Variants in FBXL2 observed in about 807,000 individuals in gnomAD.
FBXL2 encodes the protein F-box/LRR-repeat protein 2.
FBXL2 carries 38 observed loss-of-function variants against 69.2 expected under a neutral mutation model. That is an observed-to-expected ratio of 0.55 (90% CI 0.42 to 0.72). The LOEUF is 0.72. FBXL2 is among the 30% of genes least tolerant of loss of function. The pLI, the probability that FBXL2 is intolerant of heterozygous loss-of-function variation, is 0.00. For synonymous variants in FBXL2, 192 were observed against 201.3 expected (o/e 0.95, Z 0.39); for missense variants, 354 against 520.3 (o/e 0.68, Z 3.11).
Position 33,277,463 on chromosome 3 carries a change from G to A in FBXL2, c.-50G>A, listed in dbSNP as rs13076963. 2.4e-6 allele frequency: 3 copies of A among 1,267,892 alleles called. No individual in the cohort carries two copies. Among genetic ancestry groups the A allele is most frequent in the Non-Finnish European group, 2.0e-6 (2 of 1,000,084 alleles). 78.5% of individuals were successfully genotyped at this position (1,267,892 alleles called of 1,614,324 possible). A position where few individuals can be genotyped will look rare whatever the true frequency, so the allele number is the denominator to read the frequency against. ...TGGCGTCACCAGGACAACGGGCGTC[G>A]CCGGCGCCGTGTGACTTCGGGCTGT... is the stretch of plus-strand genomic sequence containing the variant. On this transcript the variant is annotated 5_prime_UTR_variant, in exon 1 of 15. Coordinates refer to ENST00000484457, the MANE Select transcript of FBXL2 (RefSeq NM_012157.5).
intron 2 of FBXL2, among the ~76,000 whole-genome samples, chr3:33,346,616 T>G (rs2040459248): frequency 6.6e-6 from 1 of 150,678 alleles, no homozygotes; most frequent in African/African-American, 2.5e-5. Flanking sequence ...GAGTAGAAAT[T>G]AAGGAAATTA....
intron 1 of FBXL2, among the ~76,000 whole-genome samples, chr3:33,291,002 C>T (rs149244900): frequency 2.0e-5 from 3 of 151,910 alleles, no homozygotes; most frequent in East Asian, 1.9e-4. Context: ...TGAATATAGC[C>T]GACTATAGCC....
intron 1 of FBXL2, chr3:33,278,101 G>T (rs2033520844): frequency 6.6e-6 from 1 of 151,666 alleles, no homozygotes; most frequent in African/African-American, 2.4e-5. Flanking sequence ...TCTGAGTGCC[G>T]CACCCTCACT....
At chr3:33,418,786 G>A in the FBXL2 span, among the ~76,000 whole-genome samples, 29 of 150,728 alleles carry the variant, frequency 1.9e-4, no homozygotes, top group African/African-American at 7.1e-4. Flanking sequence ...TTGAACCTGG[G>A]AGGCGGAGGT....
At chr3:33,298,696 C>CAAAAA (rs1158732530) in intron 2 of FBXL2, among the ~76,000 whole-genome samples, 5 of 47,242 alleles carry the variant, frequency 1.1e-4, no homozygotes, top group Admixed American at 4.0e-4. Context: ...AACTCTGTCT[C>CAAAAA]AAAAAAAAAA....
At chr3:33,371,330 ATTTTT>A (rs749436186) in intron 5 of FBXL2, among the ~76,000 whole-genome samples, 1 of 134,140 alleles carries the variant, frequency 7.5e-6, no homozygotes, top group African/African-American at 2.8e-5. Context: ...ATACCAGCTA[ATTTTT>A]TTTTTTTTTT....
At chr3:33,349,074 A>T (rs2040648955) in intron 2 of FBXL2, among the ~76,000 whole-genome samples, 1 of 152,112 alleles carries the variant, frequency 6.6e-6, no homozygotes, top group Non-Finnish European at 1.5e-5. Context: ...GGATAATGTG[A>T]CTTCTTCCTT....
chr3:33,302,106 G>A (rs1429281120), intron 2 of FBXL2, among the ~76,000 whole-genome samples: 1 of 152,122 alleles, frequency 6.6e-6, no homozygotes, highest in Non-Finnish European at 1.5e-5. Context: ...ATTTGACAAT[G>A]CAGTCAGCTT....
chr3:33,385,580 G>T lies in FBXL2; in HGVS notation c.1244G>T (p.Arg415Leu). The T allele has an allele frequency of 6.2e-7, 1 of 1,613,944 alleles. No individual in the cohort carries two copies. The highest frequency in any genetic ancestry group is 8.5e-7 in the Non-Finnish European group (1 of 1,179,958). ...PPTAVAGSGQ[R>L]LCRCCVIL ...ACAGCAGTGGCAGGAAGTGGACAGC[G>T]ACTGTGCAGGTGCTGTGTCATTCTC... The change falls in exon 15 of 15, where the codon CGA becomes CTA. Residue 415 changes from arginine to leucine, a missense_variant. Transcript: ENST00000484457.
At chr3:33,351,907 C>T (rs72852006) in intron 2 of FBXL2, among the ~76,000 whole-genome samples, 10,009 of 150,138 alleles carry the variant, frequency 0.067, 1,111 homozygotes, top group African/African-American at 0.23. Context: ...AAGAGGATCA[C>T]TTGAGGCCAG....
intron 2 of FBXL2, among the ~76,000 whole-genome samples, chr3:33,345,364 C>G (rs1248194072): frequency 6.6e-6 from 1 of 152,082 alleles, no homozygotes; most frequent in Non-Finnish European, 1.5e-5. Flanking sequence ...ACAAATACAT[C>G]TTTTTTTGGT....
intron 5 of FBXL2, among the ~76,000 whole-genome samples, chr3:33,365,751 AAACC>A (rs142313662): frequency 0.26 from 32,086 of 123,468 alleles, 3,874 homozygotes; most frequent in East Asian, 0.5. Flanking sequence ...ACAAACAAAC[AAACC>A]AACAACAATT....
At chr3:33,284,016 TTTTTTTGAAGGG>T (rs2034329773) in intron 1 of FBXL2, among the ~76,000 whole-genome samples, 1 of 148,588 alleles carries the variant, frequency 6.7e-6, no homozygotes. Context: ...GATTCTTTGA[TTTTTTTGAAGGG>T]TTTTTTGTGT....
chr3:33,353,023 A>C (rs1166458320), intron 2 of FBXL2, among the ~76,000 whole-genome samples: 1 of 152,260 alleles, frequency 6.6e-6, no homozygotes, highest in Non-Finnish European at 1.5e-5. Flanking sequence ...GATGACAAGC[A>C]TAAGAAAAGA....
Position 33,375,379 on chromosome 3 carries a change from C to A in FBXL2, c.749C>A (p.Ala250Asp), listed in dbSNP as rs757284477. Reference protein sequence around the residue: ...CLSGCSNLTDASLTALGLNCP... With the variant: ...CLSGCSNLTDDSLTALGLNCP... Reference sequence around the variant, plus strand: ...TCGGGTTGCAGCAACCTCACAGATGCCTCTCTTACAGCCCTGGGTTTGAAC... The same window carrying A: ...TCGGGTTGCAGCAACCTCACAGATGACTCTCTTACAGCCCTGGGTTTGAAC... Residue 250 changes from alanine (A) to aspartate (D), a missense_variant, in exon 10 of 15, where the codon GCC (alanine) becomes GAC (aspartate). Physicochemically the swap from Ala to Asp is moderately radical, Grantham distance 126. Transcript: ENST00000484457. The A allele has an allele frequency of 6.2e-7, 1 of 1,614,170 alleles. No homozygotes were observed. The highest frequency in any genetic ancestry group is 2.2e-5 in the East Asian group (1 of 44,884).
In FBXL2 at chr3:33,372,847, C is replaced by T. The variant is rs1003276992; in HGVS notation, c.291-245C>T. ...GATTGATAGGTAGTCTAGGACTCTG[C>T]TTCTCAAAACGTGGTCCCTAGACTA... is the stretch of plus-strand genomic sequence containing the variant. On this transcript the variant is annotated intron_variant, in intron 5 of 14. Coordinates refer to ENST00000484457, the MANE Select transcript of FBXL2 (RefSeq NM_012157.5). 8.5e-6 allele frequency: 5 copies of T among 587,250 alleles called. No individual in the cohort carries two copies. In the African/African-American group the frequency reaches 9.3e-5, roughly 11 times the overall value. 36.4% of individuals were successfully genotyped at this position (587,250 alleles called of 1,614,324 possible).
intron 5 of FBXL2, among the ~76,000 whole-genome samples, chr3:33,371,189 G>C (rs1229964528): frequency 6.8e-6 from 1 of 146,986 alleles, no homozygotes; most frequent in African/African-American, 2.5e-5. Flanking sequence ...TTTTGAGATG[G>C]AGTCTCGCTC....
chr3:33,394,431 C>CA (rs976335993), intron 12 of FBXL2, among the ~76,000 whole-genome samples: 2 of 151,958 alleles, frequency 1.3e-5, no homozygotes, highest in South Asian at 4.1e-4. Context: ...CCCTCCCCCA[C>CA]AAAAAATTTT....
intron 2 of FBXL2, among the ~76,000 whole-genome samples, chr3:33,303,859 A>G (rs1301921583): frequency 1.3e-5 from 2 of 152,102 alleles, no homozygotes; most frequent in African/African-American, 4.8e-5. Flanking sequence ...CAAATGGCTA[A>G]TAAATGTATA....
Sources: gnomAD v4.1 joint callset for allele counts (sites outside exome capture counted in the v4.1 genomes callset) on GRCh38, gnomAD v4.1.1 for gene constraint, MANE v1.5 for transcripts, NCBI Gene and HGNC (gene_info 2026-07-23, HGNC 2026-07-21) for gene names.